Variants in TXNDC11 observed in about 807,000 individuals in gnomAD.
TXNDC11 encodes thioredoxin domain containing 11.
Under a neutral mutation model 78.0 loss-of-function variants are expected in TXNDC11, and 68 were observed. That is an observed-to-expected ratio of 0.87 (90% CI 0.72 to 1.07). TXNDC11 has a LOEUF of 1.07. Among genes scored for constraint, TXNDC11 ranks in the 50% least tolerant of loss-of-function variants. TXNDC11 has a pLI of 0.00. For missense variants in TXNDC11, 1,389 were observed against 1,221.8 expected (o/e 1.14, Z -2.04); for synonymous variants, 571 against 495.2 (o/e 1.15, Z -2.03).
intron 7 of TXNDC11, 156 bp from the exon 8 acceptor site, chr16:11,692,238 T>C (rs1195254051): frequency 4.6e-6 from 3 of 652,280 alleles, no homozygotes; most frequent in African/African-American, 1.9e-5. Context: ...AAGTCGTAAG[T>C]TTTAAACTAC....
At chr16:11,731,058 G>GA (rs978419877) in intron 3 of TXNDC11, among the ~76,000 whole-genome samples, 2 of 151,220 alleles carry the variant, frequency 1.3e-5, no homozygotes, top group African/African-American at 2.4e-5. Context: ...TCTTATCTCT[G>GA]AAAAAAAAAT....
intron 7 of TXNDC11, among the ~76,000 whole-genome samples, chr16:11,694,097 CTTTTTTTTTTTTTTTT>C (rs535913245): frequency 1.2e-5 from 1 of 85,688 alleles, no homozygotes; most frequent in African/African-American, 4.9e-5. Flanking sequence ...TACAGCAATG[CTTTTTTTTTTTTTTTT>C]TTTTTTTTTT....
intron 5 of TXNDC11, among the ~76,000 whole-genome samples, chr16:11,720,566 C>A (rs1305526135): frequency 6.6e-6 from 1 of 151,842 alleles, no homozygotes; most frequent in East Asian, 1.9e-4. Flanking sequence ...CAAGCACGTG[C>A]CACCATGTCT....
intron 6 of TXNDC11, among the ~76,000 whole-genome samples, chr16:11,700,180 C>T (rs781418266): frequency 5.3e-5 from 8 of 152,178 alleles, no homozygotes; most frequent in Non-Finnish European, 1.0e-4. Flanking sequence ...GCAATTTTAT[C>T]CAAGAAGAAA....
intron 8 of TXNDC11, 197 bp downstream of exon 8, chr16:11,691,093 G>C (rs1324777253): frequency 1.7e-6 from 1 of 575,764 alleles, no homozygotes; most frequent in Non-Finnish European, 3.0e-6. Flanking sequence ...AATTCAGAGT[G>C]AGGAAGTTTC....
Position 11,738,833 on chromosome 16 carries a change from G to A in TXNDC11, c.255-2600C>T, listed in dbSNP as rs143956715. 2.7e-3 allele frequency among the ~76,000 whole-genome samples: 417 copies of A among 152,192 alleles called. 1 individual carries two copies. The highest frequency in any genetic ancestry group is 9.2e-3 in the African/African-American group (380 of 41,524). On this transcript the variant is annotated intron_variant, in intron 1 of 11. Transcript: ENST00000283033. ...ACATGAGGTCAGGAGTTTAAGACCA[G>A]CCTGACCAACACCGGGAAACCCCAT...
intron 1 of TXNDC11, among the ~76,000 whole-genome samples, chr16:11,740,063 C>T (rs1034911932): frequency 6.6e-6 from 1 of 150,700 alleles, no homozygotes; most frequent in African/African-American, 2.4e-5. Context: ...CATGGTGGCA[C>T]GCACCTGTAA....
chr16:11,712,158 G>C (rs2051380093), intron 5 of TXNDC11, among the ~76,000 whole-genome samples: 1 of 152,032 alleles, frequency 6.6e-6, no homozygotes, highest in Non-Finnish European at 1.5e-5. Flanking sequence ...AATTTAAAAG[G>C]GTAGAAAATA....
chr16:11,681,486 G>A (rs1320017373), intron 11 of TXNDC11, among the ~76,000 whole-genome samples: 2 of 152,342 alleles, frequency 1.3e-5, no homozygotes, highest in Non-Finnish European at 2.9e-5. Flanking sequence ...GAAAGTAGCA[G>A]GGACAGAGAA....
chr16:11,731,933 A>T (rs2052066703), intron 3 of TXNDC11, among the ~76,000 whole-genome samples: 1 of 152,212 alleles, frequency 6.6e-6, no homozygotes, highest in African/African-American at 2.4e-5. Context: ...TAAAGGAAGA[A>T]ATCAAAAAAG....
At position 11,736,146 on chromosome 16, in the gene TXNDC11, C is replaced by T; in HGVS notation, c.342G>A (p.Gln114=). The change falls in exon 2 of 12, where the codon CAG becomes CAA. Residue 114 remains glutamine (Q), a synonymous_variant. Coordinates refer to ENST00000283033, the MANE Select transcript of TXNDC11 (RefSeq NM_015914.7). ...RSPVLDLFQG[Q]LDYAEYVRRD... ...GTCGAACGTACTCTGCATAATCCAG[C>T]TGCCCCTGGAAGAGGTCAAGGACTG... 1 of 1,614,180 alleles carries T rather than the reference C, an allele frequency of 6.2e-7. No individual in the cohort carries two copies. Among genetic ancestry groups the T allele is most frequent in the South Asian group, 1.1e-5 (1 of 91,088 alleles).
At chr16:11,739,792 A>C (rs1454539280) in intron 1 of TXNDC11, among the ~76,000 whole-genome samples, 1 of 152,138 alleles carries the variant, frequency 6.6e-6, no homozygotes, top group African/African-American at 2.4e-5. Context: ...CTCAACCTCA[A>C]ATCAACCTTT....
intron 5 of TXNDC11, among the ~76,000 whole-genome samples, chr16:11,706,450 T>G (rs1261764269): frequency 6.6e-6 from 1 of 152,186 alleles, no homozygotes; most frequent in Non-Finnish European, 1.5e-5. Context: ...ACAGCACATC[T>G]CCCATGGGCA....
intron 5 of TXNDC11, among the ~76,000 whole-genome samples, chr16:11,720,147 A>G (rs995171454): frequency 1.3e-5 from 2 of 152,194 alleles, no homozygotes; most frequent in South Asian, 4.1e-4. Flanking sequence ...GAGAGCATAC[A>G]ACAACATAAA....
intron 4 of TXNDC11, among the ~76,000 whole-genome samples, chr16:11,722,738 A>C (rs2051747171): frequency 6.6e-6 from 1 of 152,132 alleles, no homozygotes; most frequent in African/African-American, 2.4e-5. Context: ...TTGGCACTAC[A>C]CTCTATATTA....
At chr16:11,696,745 G>A (rs1346338762) in intron 7 of TXNDC11, among the ~76,000 whole-genome samples, 1 of 152,132 alleles carries the variant, frequency 6.6e-6, no homozygotes, top group Non-Finnish European at 1.5e-5. Context: ...GGTAGGTGGA[G>A]GATTTGCAGA....
chr16:11,730,321 T>C (rs558831105), intron 4 of TXNDC11, among the ~76,000 whole-genome samples: 61 of 152,338 alleles, frequency 4.0e-4, no homozygotes, highest in Non-Finnish European at 7.2e-4. Flanking sequence ...TCAAGTAATA[T>C]TCTTAGAAAT....
rs1398575630 is a variant in TXNDC11, at chr16:11,691,556, G to A, written c.1634C>T (p.Ala545Val). The A allele has an allele frequency of 1.2e-6, 2 of 1,614,174 alleles. No individual in the cohort carries two copies. Among genetic ancestry groups the A allele is most frequent in the East Asian group, 2.2e-5 (1 of 44,884 alleles). The change falls in exon 8 of 12, where the codon GCC (alanine) becomes GTC (valine). Residue 545 changes from alanine to valine, a missense_variant. Transcript: ENST00000283033. Reference sequence around the variant, plus strand: ...CTCAATGTGAGGAACGGAGCTTGGGGCATCAACCTCACATTTCTTCTCAAG... The same window carrying A: ...CTCAATGTGAGGAACGGAGCTTGGGACATCAACCTCACATTTCTTCTCAAG... The part of the protein sequence containing the change: ...SSLEKKCEVD[A>V]PSSVPHIEEN...
At chr16:11,703,780 G>A in intron 5 of TXNDC11, 2 of 699,486 alleles carry the variant, frequency 2.9e-6, no homozygotes, top group Non-Finnish European at 5.2e-6. Flanking sequence ...AGATAAGCCT[G>A]AAATATCTTG....
Sources: gnomAD v4.1 joint callset for allele counts (sites outside exome capture counted in the v4.1 genomes callset) on GRCh38, gnomAD v4.1.1 for gene constraint, MANE v1.5 for transcripts, NCBI Gene and HGNC (gene_info 2026-07-23, HGNC 2026-07-21) for gene names.